DPP10: variants seen among roughly 807,000 people sequenced by gnomAD.
DPP10 encodes dipeptidyl peptidase like 10, also known as inactive dipeptidyl peptidase 10.
In DPP10, 33 loss-of-function variants were observed where a neutral mutation model predicts 120.9. The observed-to-expected ratio is 0.27, with a 90% CI of 0.21 to 0.37. The LOEUF (loss-of-function observed/expected upper bound fraction) is 0.37. Ranked by LOEUF, DPP10 falls within the 10% of genes least tolerant of loss-of-function variation. The probability of loss-of-function intolerance (pLI) is 1.00; values close to 1 mark genes in which losing one functional copy is unlikely to be tolerated. For synonymous variants in DPP10, 337 were observed against 326.1 expected, an observed-to-expected ratio of 1.03 and a Z score of -0.36; for missense variants, 816 against 942.8, an observed-to-expected ratio of 0.87 and a Z score of 1.76.
rs1363113145 is a variant in DPP10 at position 114,620,331 on chromosome 2, C to T, written c.60+177493C>T. On this transcript the variant is annotated intron_variant, in intron 1 of 25. Coordinates refer to ENST00000410059, the MANE Select transcript of DPP10 (RefSeq NM_020868.6). ...AGATCGGTTTTTCTAAAATGAAGCC[C>T]TCTGAGTTGGCATGTAGAGAGAGAA... Among the ~76,000 whole-genome samples, 4 of 151,812 alleles carry T rather than the reference C, an allele frequency of 2.6e-5. No individual in the cohort carries two copies. The South Asian group carries it at 8.3e-4, about 31-fold the overall frequency.
chr2:115,354,285 A>G (rs1408072449), intron 3 of DPP10, among the ~76,000 whole-genome samples: 1 of 152,124 alleles, frequency 6.6e-6, no homozygotes, highest in Non-Finnish European at 1.5e-5. Context: ...GGTAATGAGC[A>G]TAGTACCCAA....
At chr2:114,493,869 G>A (rs189871106) in intron 1 of DPP10, among the ~76,000 whole-genome samples, 103 of 152,192 alleles carry the variant, frequency 6.8e-4, no homozygotes, top group Admixed American at 1.8e-3. Flanking sequence ...GCACTGAACT[G>A]GGAGTCAGGA....
chr2:114,901,751 A>T (rs1693591649), intron 1 of DPP10, among the ~76,000 whole-genome samples: 1 of 152,246 alleles, frequency 6.6e-6, no homozygotes, highest in African/African-American at 2.4e-5. Flanking sequence ...AGACCAGGGC[A>T]GAGCTTTCAG....
intron 1 of DPP10, among the ~76,000 whole-genome samples, chr2:115,228,091 T>A (rs990336109): frequency 6.6e-6 from 1 of 151,922 alleles, no homozygotes; most frequent in Non-Finnish European, 1.5e-5. Flanking sequence ...CCTTGCTGAT[T>A]TTTTTGTGTA....
chr2:115,593,564 G>GA (rs1278774229), intron 5 of DPP10, among the ~76,000 whole-genome samples: 2 of 131,448 alleles, frequency 1.5e-5, no homozygotes, highest in African/African-American at 6.2e-5. Context: ...AAAAATGGAA[G>GA]AAAAAATGGG....
intron 1 of DPP10, among the ~76,000 whole-genome samples, chr2:114,650,395 A>G (rs1696492678): frequency 6.6e-6 from 1 of 152,208 alleles, no homozygotes; most frequent in Non-Finnish European, 1.5e-5. Context: ...GAATGAGTCC[A>G]GGAGATAATT....
chr2:115,443,360 C>T (rs1574861114), intron 3 of DPP10, among the ~76,000 whole-genome samples: 1 of 152,240 alleles, frequency 6.6e-6, no homozygotes, highest in South Asian at 2.1e-4. Context: ...GGAAATGCTT[C>T]AGAGATAAAC....
intron 5 of DPP10, among the ~76,000 whole-genome samples, chr2:115,560,561 C>G (rs1444714660): frequency 6.8e-6 from 1 of 147,382 alleles, no homozygotes; most frequent in Non-Finnish European, 1.5e-5. Flanking sequence ...GTGATCTATT[C>G]CCCCCACCCC....
At chr2:115,623,163 T>TATAA (rs1258212416) in intron 5 of DPP10, among the ~76,000 whole-genome samples, 12 of 152,140 alleles carry the variant, frequency 7.9e-5, no homozygotes, top group African/African-American at 2.9e-4. Context: ...TTATTCTTAT[T>TATAA]GTCTATGGGT....
At chr2:114,575,159 GT>G (rs1689960878) in intron 1 of DPP10, among the ~76,000 whole-genome samples, 1 of 152,150 alleles carries the variant, frequency 6.6e-6, no homozygotes, top group Non-Finnish European at 1.5e-5. Flanking sequence ...GATTTCATCG[GT>G]AAGAGTGATT....
At chr2:115,070,246 TTTC>T (rs2105448831) in intron 1 of DPP10, among the ~76,000 whole-genome samples, 1 of 152,274 alleles carries the variant, frequency 6.6e-6, no homozygotes, top group African/African-American at 2.4e-5. Flanking sequence ...CTAGCCATTA[TTTC>T]TTAACACACT....
intron 1 of DPP10, among the ~76,000 whole-genome samples, chr2:114,529,601 G>A (rs1018296905): frequency 6.6e-6 from 1 of 152,074 alleles, no homozygotes; most frequent in Non-Finnish European, 1.5e-5. Flanking sequence ...TAATTCTTCT[G>A]TTTTCAGAAA....
rs1694591677 is a variant in DPP10, at chr2:114,627,370, A to G, written c.60+184532A>G. ...CTGACCAGTAGAAAATGCTGCTTTTATCTTTCTCTTCTTTTGTAAATCATA... is the reference window on the plus strand; with the variant it reads ...CTGACCAGTAGAAAATGCTGCTTTTGTCTTTCTCTTCTTTTGTAAATCATA... On this transcript the variant is annotated intron_variant, in intron 1 of 25. Transcript: ENST00000410059. Among the ~76,000 whole-genome samples, 3 of 152,258 alleles carry G rather than the reference A, an allele frequency of 2.0e-5. No individual in the cohort carries two copies. In the South Asian group the frequency reaches 6.2e-4, roughly 32 times the overall value.
intron 1 of DPP10, among the ~76,000 whole-genome samples, chr2:114,744,203 C>G (rs1015401054): frequency 2.0e-5 from 3 of 152,074 alleles, no homozygotes; most frequent in Non-Finnish European, 4.4e-5. Flanking sequence ...GCATGCCCTG[C>G]TGAGGATTCT....
In DPP10 at chr2:114,940,374, T is replaced by C. The variant is rs13410754; in HGVS notation, c.61-368865T>C. On this transcript the variant is annotated intron_variant, in intron 1 of 25. Transcript: ENST00000410059. ...GTTAGAGGCCAGACACATGTTTTATTATAAGAGCAAACAGAGTGTATCTGC... is the reference window on the plus strand; with the variant it reads ...GTTAGAGGCCAGACACATGTTTTATCATAAGAGCAAACAGAGTGTATCTGC... Among the ~76,000 whole-genome samples the C allele has an allele frequency of 4.0e-3, 616 of 152,176 alleles. 1 individual carries two copies. The highest frequency in any genetic ancestry group is 0.015 in the African/African-American group (603 of 41,526).
chr2:114,555,396 A>G (rs773143983), intron 1 of DPP10, among the ~76,000 whole-genome samples: 15 of 152,208 alleles, frequency 9.9e-5, no homozygotes, highest in South Asian at 6.2e-4. Flanking sequence ...TGTAGTGGGG[A>G]AGACAGGAAA....
At chr2:114,637,313 C>A (rs1428827346) in intron 1 of DPP10, among the ~76,000 whole-genome samples, 1 of 151,812 alleles carries the variant, frequency 6.6e-6, no homozygotes, top group African/African-American at 2.4e-5. Flanking sequence ...AGATTGAAGA[C>A]TTTAGGAGGA....
chr2:115,327,125 A>AGT (rs1237158031), intron 2 of DPP10, among the ~76,000 whole-genome samples: 2 of 152,014 alleles, frequency 1.3e-5, no homozygotes, highest in Non-Finnish European at 2.9e-5. Context: ...TAGATACACA[A>AGT]ATAGTTACCA....
chr2:115,776,796 C>G, intron 13 of DPP10, among the ~76,000 whole-genome samples: 1 of 151,808 alleles, frequency 6.6e-6, no homozygotes, highest in East Asian at 1.9e-4. Context: ...ATAACAATGC[C>G]CATACTGCAA....
Sources: gnomAD v4.1 joint callset for allele counts (sites outside exome capture counted in the v4.1 genomes callset) on GRCh38, gnomAD v4.1.1 for gene constraint, MANE v1.5 for transcripts, NCBI Gene and HGNC (gene_info 2026-07-23, HGNC 2026-07-21) for gene names.